The following ALCAM variants were observed in gnomAD, a reference collection of about 807,000 sequenced individuals.
ALCAM encodes the protein activated leukocyte cell adhesion molecule.
In ALCAM, 30 loss-of-function variants were observed where a neutral mutation model predicts 70.9. The ratio of observed to expected loss-of-function variants is 0.42; its 90% confidence interval spans 0.32 to 0.57. The LOEUF is 0.57. Among genes scored for constraint, ALCAM ranks in the 20% least tolerant of loss-of-function variants. ALCAM has a pLI of 0.11. For missense variants in ALCAM, 591 were observed against 695.1 expected, an observed-to-expected ratio of 0.85 and a Z score of 1.68; for synonymous variants, 249 against 242.5, an observed-to-expected ratio of 1.03 and a Z score of -0.25.
intron 1 of ALCAM, among the ~76,000 whole-genome samples, chr3:105,465,153 C>G (rs1378886155): frequency 1.3e-5 from 2 of 151,334 alleles, no homozygotes; most frequent in Non-Finnish European, 3.0e-5. Context: ...TGTTCATGAG[C>G]TCAAGGAAAA....
At chr3:105,441,459 TC>T (rs1937168464) in intron 1 of ALCAM, among the ~76,000 whole-genome samples, 1 of 152,194 alleles carries the variant, frequency 6.6e-6, no homozygotes, top group African/African-American at 2.4e-5. Flanking sequence ...GCTCATTAGT[TC>T]CCTTGTCAAC....
At chr3:105,547,654 G>A (rs546013387) in intron 11 of ALCAM, 131 bp downstream of exon 11, 2 of 1,109,444 alleles carry the variant, frequency 1.8e-6, no homozygotes, top group Admixed American at 2.6e-5. Context: ...TTACCACATA[G>A]AATTTGCAGT....
At chr3:105,470,130 CAT>C (rs144436139) in intron 1 of ALCAM, among the ~76,000 whole-genome samples, 1 of 121,302 alleles carries the variant, frequency 8.2e-6, no homozygotes, top group African/African-American at 3.2e-5. Context: ...ATGTTATATA[CAT>C]ACACACACAC....
intron 14 of ALCAM, 109 bp from the exon 15 acceptor site, chr3:105,571,743 C>A: frequency 1.2e-6 from 1 of 818,080 alleles, no homozygotes; most frequent in Non-Finnish European, 1.9e-6. Flanking sequence ...TAGCGGTTTG[C>A]TGTAAAACAT....
intron 14 of ALCAM, among the ~76,000 whole-genome samples, chr3:105,569,825 G>A (rs939553464): frequency 1.3e-5 from 2 of 152,196 alleles, no homozygotes; most frequent in African/African-American, 4.8e-5. Context: ...TGAGCTAAGA[G>A]CTTGAAGGGA....
chr3:105,470,225 C>T (rs532323064), intron 1 of ALCAM, among the ~76,000 whole-genome samples: 4 of 149,768 alleles, frequency 2.7e-5, no homozygotes, highest in South Asian at 2.1e-4. Flanking sequence ...ATGGGTTTAA[C>T]GTCTGTCTAC....
In ALCAM at chr3:105,521,479, C is replaced by T. The variant is rs76009789; in HGVS notation, c.174+1312C>T. ...CCAAGAACAAACATTCTGCAGAACACACTGTAAGAAATGTGCTTAAGCTTG... is the reference window on the plus strand; with the variant it reads ...CCAAGAACAAACATTCTGCAGAACATACTGTAAGAAATGTGCTTAAGCTTG... On this transcript the variant is annotated intron_variant, in intron 2 of 15. Coordinates refer to ENST00000306107, the MANE Select transcript of ALCAM (RefSeq NM_001627.4). Among the ~76,000 whole-genome samples, 303 of 152,236 alleles carry T rather than the reference C, an allele frequency of 2.0e-3. 1 individual carries two copies. Among genetic ancestry groups the T allele is most frequent in the African/African-American group, 7.0e-3 (289 of 41,548 alleles).
intron 1 of ALCAM, among the ~76,000 whole-genome samples, chr3:105,442,488 A>T (rs1937193805): frequency 6.6e-6 from 1 of 152,238 alleles, no homozygotes; most frequent in Non-Finnish European, 1.5e-5. Context: ...CTCATAAAAA[A>T]TGAGTAAATT....
chr3:105,567,586 G>A (rs1940771022), intron 14 of ALCAM, among the ~76,000 whole-genome samples: 1 of 152,072 alleles, frequency 6.6e-6, no homozygotes, highest in Non-Finnish European at 1.5e-5. Context: ...AGAGCATTTA[G>A]TGAATTGTTC....
intron 1 of ALCAM, among the ~76,000 whole-genome samples, chr3:105,518,149 C>T (rs73192733): frequency 0.11 from 16,473 of 152,080 alleles, 1,016 homozygotes; most frequent in Middle Eastern, 0.17. Context: ...AAAGGATTCA[C>T]TTCATTGGTA....
chr3:105,547,581 C>T lies in ALCAM; in HGVS notation c.1374+58C>T. 2.5e-6 allele frequency: 4 copies of T among 1,579,712 alleles called. No homozygotes were observed. The Admixed American group carries it at 7.2e-5, about 29-fold the overall frequency. On this transcript the variant is annotated intron_variant, in intron 11 of 15. Transcript: ENST00000306107. Reference sequence around the variant, plus strand: ...TTCGTCCAATGCGTTTTTTTTCCTTCACGAACCTACCCTATAGGTTGGTTT... The same window carrying T: ...TTCGTCCAATGCGTTTTTTTTCCTTTACGAACCTACCCTATAGGTTGGTTT...
intron 9 of ALCAM, among the ~76,000 whole-genome samples, chr3:105,546,353 C>T (rs1346763830): frequency 2.0e-5 from 3 of 151,370 alleles, no homozygotes; most frequent in African/African-American, 7.3e-5. Context: ...TTACTGCCTG[C>T]CTTTTGATCC....
At position 105,541,750 on chromosome 3, in the gene ALCAM, G is replaced by A. The variant is rs527358642; in HGVS notation, c.976G>A (p.Ala326Thr). The A allele has an allele frequency of 2.9e-5, 46 of 1,612,152 alleles. No homozygotes were observed. In the South Asian group the frequency reaches 4.8e-4, roughly 17 times the overall value. ...CAAAAAAAGCATGATTGCTTCAACAGCTATCACAGTTCACTGTAAGTCACC... is the reference window on the plus strand; with the variant it reads ...CAAAAAAAGCATGATTGCTTCAACAACTATCACAGTTCACTGTAAGTCACC... ...IDKKSMIASTAITVHYLDLSL... is the reference protein window; with the variant it reads ...IDKKSMIASTTITVHYLDLSL... The change falls in exon 8 of 16, where the codon GCT becomes ACT. Residue 326 changes from alanine to threonine, a missense_variant. Around this residue, in one of 2 missense-constraint regions of ALCAM, gnomAD observed 427 missense variants for 450.4 expected, o/e 0.95. Transcript: ENST00000306107.
At chr3:105,536,366 T>A (rs1939970741) in intron 6 of ALCAM, among the ~76,000 whole-genome samples, 1 of 152,156 alleles carries the variant, frequency 6.6e-6, no homozygotes, top group African/African-American at 2.4e-5. Context: ...AGTACTGGGA[T>A]TACAGGTGTG....
intron 1 of ALCAM, among the ~76,000 whole-genome samples, chr3:105,509,573 G>A (rs1361169888): frequency 1.3e-5 from 2 of 151,770 alleles, no homozygotes; most frequent in African/African-American, 4.8e-5. Context: ...TGTGGGTTTT[G>A]TTTTGTTTAC....
At chr3:105,432,033 C>T (rs1936946528) in intron 1 of ALCAM, among the ~76,000 whole-genome samples, 1 of 152,030 alleles carries the variant, frequency 6.6e-6, no homozygotes, top group Admixed American at 6.6e-5. Context: ...AAAGAATAAG[C>T]TAAGCCTATA....
chr3:105,491,174 C>T (rs1938575258), intron 1 of ALCAM, among the ~76,000 whole-genome samples: 2 of 152,204 alleles, frequency 1.3e-5, no homozygotes, highest in Non-Finnish European at 2.9e-5. Context: ...CTGAGCTGTA[C>T]CTTGGCTCCC....
intron 1 of ALCAM, among the ~76,000 whole-genome samples, chr3:105,485,888 T>C (rs1938415998): frequency 6.6e-6 from 1 of 151,956 alleles, no homozygotes; most frequent in African/African-American, 2.4e-5. Context: ...GACTCTGCTG[T>C]AGAAATGGAC....
chr3:105,387,621 T>C (rs1234037009), intron 1 of ALCAM, among the ~76,000 whole-genome samples: 1 of 151,612 alleles, frequency 6.6e-6, no homozygotes, highest in African/African-American at 2.4e-5. Flanking sequence ...TGAGTGTTGG[T>C]TCATCATTGT....
Sources: allele counts gnomAD v4.1 joint callset (sites outside exome capture counted in the v4.1 genomes callset), GRCh38; gene constraint gnomAD v4.1.1; regional missense constraint gnomAD v4.1.1; transcripts MANE v1.5; gene names NCBI Gene and HGNC (gene_info 2026-07-23, HGNC 2026-07-21).